RBKS: variants seen among roughly 807,000 people sequenced by gnomAD.
RBKS encodes ribokinase.
Under a neutral mutation model 33.9 loss-of-function variants are expected in RBKS, and 33 were observed. The observed-to-expected ratio is 0.97, with a 90% confidence interval of 0.74 to 1.30. RBKS has a LOEUF of 1.30. Ranked by LOEUF, RBKS falls within the 50% of genes most tolerant of loss-of-function variation. RBKS has a pLI of 0.00. For missense variants in RBKS, 361 were observed against 392.6 expected, an observed-to-expected ratio of 0.92 and a Z score of 0.68; for synonymous variants, 125 against 143.0, an observed-to-expected ratio of 0.87 and a Z score of 0.90.
chr2:27,813,219 C>T (rs1678026080), intron 7 of RBKS, among the ~76,000 whole-genome samples: 1 of 152,066 alleles, frequency 6.6e-6, no homozygotes, highest in Non-Finnish European at 1.5e-5. Flanking sequence ...AGATCAAGTA[C>T]CACTGAAGAT....
At chr2:27,888,036 C>T (rs1664576046) in intron 1 of RBKS, among the ~76,000 whole-genome samples, 2 of 152,122 alleles carry the variant, frequency 1.3e-5, no homozygotes, top group Admixed American at 1.3e-4. Flanking sequence ...TCAAGCTTCA[C>T]AGAAAGCTCT....
intron 1 of RBKS, among the ~76,000 whole-genome samples, chr2:27,869,526 C>A (rs1664161897): frequency 6.6e-6 from 1 of 152,182 alleles, no homozygotes; most frequent in African/African-American, 2.4e-5. Context: ...CAGTGGTCCC[C>A]AGCCTTTTTG....
Position 27,883,725 on chromosome 2 carries a change from AT to A in RBKS, c.89+6531del, listed in dbSNP as rs59775257. Among the ~76,000 whole-genome samples, 1,061 of 144,284 alleles carry A rather than the reference AT, an allele frequency of 7.4e-3. 9 individuals carry two copies. Among genetic ancestry groups the A allele is most frequent in the African/African-American group, 0.02 (802 of 39,540 alleles). 94.7% of individuals were successfully genotyped at this position (144,284 alleles called of 152,430 possible). A position where few individuals can be genotyped will look rare whatever the true frequency, so the allele number is the denominator to read the frequency against. ...AGGTGCTCTTTCTTTGTCATATGCA[AT>A]TTTTTTTTTTTTTAAGAGACAGAGT... On this transcript the variant is annotated intron_variant, in intron 1 of 7. Transcript: ENST00000302188.
At chr2:27,844,379 C>A (rs1478407427) in intron 4 of RBKS, among the ~76,000 whole-genome samples, 1 of 151,628 alleles carries the variant, frequency 6.6e-6, no homozygotes, top group Non-Finnish European at 1.5e-5. Flanking sequence ...TTTATTCTTA[C>A]CATTTTAAAA....
intron 1 of RBKS, among the ~76,000 whole-genome samples, chr2:27,886,978 CAT>C (rs934516573): frequency 3.3e-5 from 5 of 152,182 alleles, no homozygotes; most frequent in African/African-American, 1.2e-4. Flanking sequence ...GCAAAAATAA[CAT>C]ACTCTCTGCT....
At chr2:27,877,200 T>G (rs576897362) in intron 1 of RBKS, among the ~76,000 whole-genome samples, 42 of 152,224 alleles carry the variant, frequency 2.8e-4, no homozygotes, top group African/African-American at 8.7e-4. Context: ...ACTCTGATAT[T>G]CTCTAGTTCC....
Position 27,784,566 on chromosome 2 carries a change from C to G in RBKS, c.796-2778G>C, listed in dbSNP as rs538157124. On this transcript the variant is annotated intron_variant, in intron 7 of 7. Transcript: ENST00000302188. Reference sequence around the variant, plus strand: ...GAAGAAAGCGCCCCCCACCTTGCCTCTGCCAGAAGGGAGTCCTTATAGAAT... The same window carrying G: ...GAAGAAAGCGCCCCCCACCTTGCCTGTGCCAGAAGGGAGTCCTTATAGAAT... Among the ~76,000 whole-genome samples, 43 of 152,292 alleles carry G rather than the reference C, an allele frequency of 2.8e-4. No homozygotes were observed. The South Asian group carries it at 8.5e-3, about 30-fold the overall frequency.
chr2:27,801,992 A>ATTTTTT (rs1179237576), intron 7 of RBKS, among the ~76,000 whole-genome samples: 1 of 42,692 alleles, frequency 2.3e-5, no homozygotes, highest in African/African-American at 1.3e-4. Context: ...ATATATATAT[A>ATTTTTT]TTTTTTTTTT....
chr2:27,833,278 C>T (rs1349188915), intron 5 of RBKS, among the ~76,000 whole-genome samples: 6 of 152,024 alleles, frequency 3.9e-5, no homozygotes, highest in Admixed American at 3.3e-4. Flanking sequence ...AGCTCATGTG[C>T]GTATGCATAT....
At chr2:27,797,921 G>A (rs1325336566) in intron 7 of RBKS, among the ~76,000 whole-genome samples, 1 of 152,162 alleles carries the variant, frequency 6.6e-6, no homozygotes, top group East Asian at 1.9e-4. Context: ...TGCTCAGAGA[G>A]GAGGATGTGA....
At chr2:27,797,677 T>G (rs924017727) in intron 7 of RBKS, among the ~76,000 whole-genome samples, 4 of 152,162 alleles carry the variant, frequency 2.6e-5, no homozygotes, top group Admixed American at 2.6e-4. Flanking sequence ...TTTTCCTCTG[T>G]GTGCTTGTGG....
rs889395192 is a variant in RBKS at position 27,788,408 on chromosome 2, A to G, written c.796-6620T>C. On this transcript the variant is annotated intron_variant, in intron 7 of 7. Coordinates refer to ENST00000302188, the MANE Select transcript of RBKS (RefSeq NM_022128.3). ...CAAGGTAACGGGACACAAGGTCACTATAAAAAACCAACTGCAGCCAGGCGC... is the reference window on the plus strand; with the variant it reads ...CAAGGTAACGGGACACAAGGTCACTGTAAAAAACCAACTGCAGCCAGGCGC... Among the ~76,000 whole-genome samples the G allele has an allele frequency of 8.5e-5, 13 of 152,334 alleles. No individual in the cohort carries two copies. In the East Asian group the frequency reaches 2.1e-3, roughly 25 times the overall value.
At chr2:27,803,922 G>A (rs1430862048) in intron 7 of RBKS, among the ~76,000 whole-genome samples, 11 of 151,666 alleles carry the variant, frequency 7.3e-5, no homozygotes, top group Admixed American at 1.3e-4. Context: ...ATGGTGGTGC[G>A]CACCTGTAAT....
At chr2:27,805,993 G>A (rs539131002) in intron 7 of RBKS, among the ~76,000 whole-genome samples, 1 of 152,144 alleles carries the variant, frequency 6.6e-6, no homozygotes, top group Non-Finnish European at 1.5e-5. Flanking sequence ...CTGGGCTCAA[G>A]TGATCCTCCT....
chr2:27,786,332 A>G (rs1677400186), intron 7 of RBKS, among the ~76,000 whole-genome samples: 1 of 152,238 alleles, frequency 6.6e-6, no homozygotes, highest in African/African-American at 2.4e-5. Context: ...TGAATAGGTT[A>G]GCCACGCCTC....
At chr2:27,820,126 G>A (rs141983594) in intron 7 of RBKS, among the ~76,000 whole-genome samples, 47 of 152,234 alleles carry the variant, frequency 3.1e-4, no homozygotes, top group African/African-American at 1.1e-3. Flanking sequence ...TGCTAGATGT[G>A]GCTCCAAATA....
intron 4 of RBKS, among the ~76,000 whole-genome samples, chr2:27,846,545 T>G (rs1352205343): frequency 2.0e-5 from 3 of 152,206 alleles, no homozygotes; most frequent in African/African-American, 7.2e-5. Context: ...TATAGACTTT[T>G]GAGATTTGAT....
At chr2:27,843,884 G>T (rs937944093) in intron 4 of RBKS, among the ~76,000 whole-genome samples, 2 of 152,166 alleles carry the variant, frequency 1.3e-5, no homozygotes, top group Non-Finnish European at 2.9e-5. Flanking sequence ...CATTTCATCT[G>T]TAAGGTGAAC....
At chr2:27,811,458 T>C (rs1677983904) in intron 7 of RBKS, among the ~76,000 whole-genome samples, 1 of 152,222 alleles carries the variant, frequency 6.6e-6, no homozygotes, top group Non-Finnish European at 1.5e-5. Flanking sequence ...TTCCTATTTC[T>C]TAAGGAACTG....
Sources: gnomAD v4.1 joint callset for allele counts (sites outside exome capture counted in the v4.1 genomes callset) on GRCh38, gnomAD v4.1.1 for gene constraint, MANE v1.5 for transcripts, NCBI Gene and HGNC (gene_info 2026-07-23, HGNC 2026-07-21) for gene names.